The following ANPEP variants were observed in gnomAD, a reference collection of about 807,000 sequenced individuals.
ANPEP encodes the protein aminopeptidase N.
Under a neutral mutation model 114.6 loss-of-function variants are expected in ANPEP, and 70 were observed. That is an observed-to-expected ratio of 0.61 (90% confidence interval 0.50 to 0.75). The LOEUF (loss-of-function observed/expected upper bound fraction) is 0.75. Ranked by LOEUF, ANPEP falls within the 30% of genes least tolerant of loss-of-function variation. ANPEP has a pLI of 0.00. For missense variants in ANPEP, 1,184 were observed against 1,259.5 expected (o/e 0.94, Z 0.91); for synonymous variants, 548 against 522.3 (o/e 1.05, Z -0.67).
In ANPEP at chr15:89,806,941, G is replaced by C. The variant is rs972988527; in HGVS notation, c.-223-135C>G. ...CAGGTGGCATTGCATTGATCTGCTTGAGAGCTGAGAGGGTGGGAACAGCAT... is the reference window on the plus strand; with the variant it reads ...CAGGTGGCATTGCATTGATCTGCTTCAGAGCTGAGAGGGTGGGAACAGCAT... On this transcript the variant is annotated intron_variant, in intron 1 of 20. Coordinates refer to ENST00000300060, the MANE Select transcript of ANPEP (RefSeq NM_001150.3). This position sits in a 1 kb window ranked among gnomAD's most constrained non-coding sequence, Gnocchi z 5.7. The C allele has an allele frequency of 4.0e-6, 1 of 247,866 alleles. No homozygotes were observed. The highest frequency in any genetic ancestry group is 7.9e-6 in the Non-Finnish European group (1 of 125,876). The allele number at this position is 247,866 out of a possible 1,614,324, so 15.4% of individuals were successfully genotyped here. A position where few individuals can be genotyped will look rare whatever the true frequency, so the allele number is the denominator to read the frequency against.
chr15:89,789,324 G>C (rs535714278), intron 20 of ANPEP, among the ~76,000 whole-genome samples: 1 of 152,200 alleles, frequency 6.6e-6, no homozygotes, highest in East Asian at 1.9e-4. Flanking sequence ...CTTAATCCAA[G>C]TTGACTTTGT....
intron 4 of ANPEP, 86 bp from the exon 5 acceptor site, chr15:89,804,703 G>A (rs1439981142): frequency 6.5e-7 from 1 of 1,541,616 alleles, no homozygotes; most frequent in Non-Finnish European, 8.7e-7. Flanking sequence ...AGTGGGCTGG[G>A]GGGATCCCTG....
At chr15:89,809,110 A>T (rs1307680233) in intron 1 of ANPEP, among the ~76,000 whole-genome samples, 18 of 152,230 alleles carry the variant, frequency 1.2e-4, no homozygotes, top group Admixed American at 1.0e-3. Flanking sequence ...GAAGGGCTCC[A>T]GCTTGGGCGT....
chr15:89,789,364 T>C (rs1047136026), intron 20 of ANPEP, among the ~76,000 whole-genome samples: 4 of 152,174 alleles, frequency 2.6e-5, no homozygotes, highest in East Asian at 1.9e-4. Flanking sequence ...TATATATCAA[T>C]TGTAAAAAGA....
Position 89,806,549 on chromosome 15 carries a change from C to T in ANPEP, c.35G>A (p.Gly12Asp), listed in dbSNP as rs372925298. The T allele has an allele frequency of 1.6e-5, 26 of 1,610,810 alleles. No individual in the cohort carries two copies. The highest frequency in any genetic ancestry group is 2.0e-5 in the Non-Finnish European group (24 of 1,177,650). ...CACGCCCAGGAGGATCCCCAGGATG[C>T]CCAGGGACTTGGAAATATAGAAGCC... ...AKGFYISKSL[G>D]ILGILLGVAA... The change falls in exon 2 of 21, where the codon GGC becomes GAC. Residue 12 changes from glycine to aspartate, a missense_variant. Physicochemically the swap from Gly to Asp is moderately conservative, Grantham distance 94. Transcript: ENST00000300060. This position sits in a 1 kb window ranked among gnomAD's most constrained non-coding sequence, Gnocchi z 5.7.
At position 89,805,361 on chromosome 15, in the gene ANPEP, G is replaced by C. The variant is rs754340111; in HGVS notation, c.717C>G (p.His239Gln). The change falls in exon 3 of 21, where the codon CAC (histidine) becomes CAG (glutamine). Residue 239 changes from histidine (H) to glutamine (Q), a missense_variant. His to Gln is a conservative substitution (Grantham distance 24). Transcript: ENST00000300060. Reference protein sequence around the residue: ...MKAEFNITLIHPKDLTALSNM... With the variant: ...MKAEFNITLIQPKDLTALSNM... ...TGGACAGGGCTGTCAGGTCCTTGGGGTGGATAAGCGTGATGTTGAACTCGG... is the reference window on the plus strand; with the variant it reads ...TGGACAGGGCTGTCAGGTCCTTGGGCTGGATAAGCGTGATGTTGAACTCGG... 2 of 1,614,156 alleles carry C rather than the reference G, an allele frequency of 1.2e-6. No homozygotes were observed. The highest frequency in any genetic ancestry group is 1.7e-6 in the Non-Finnish European group (2 of 1,180,010).
intron 18 of ANPEP, among the ~76,000 whole-genome samples, 163 bp downstream of exon 18, chr15:89,791,987 GTCTCTATCAC>G (rs1968636157): frequency 6.6e-6 from 1 of 152,212 alleles, no homozygotes. Context: ...TCCATATCTT[GTCTCTATCAC>G]TTATTAAAGC....
In ANPEP at chr15:89,803,362, G is replaced by A. The variant is rs1045137386; in HGVS notation, c.1504-58C>T. The A allele has an allele frequency of 1.6e-5, 26 of 1,613,382 alleles. No homozygotes were observed. Among genetic ancestry groups the A allele is most frequent in the Non-Finnish European group, 1.5e-5 (18 of 1,179,436 alleles). On this transcript the variant is annotated intron_variant, in intron 9 of 20. Transcript: ENST00000300060. The surrounding 1 kb of genome is among the most constrained non-coding windows in gnomAD (Gnocchi z 4.2). ...CTGGAGCCCCCCAGGCTCCCCCTCT[G>A]TGGTGGGCAGAGGCCCGGGTCAAGG... is the stretch of plus-strand genomic sequence containing the variant.
chr15:89,792,291 G>A lies in ANPEP; in HGVS notation c.2397C>T (p.Asn799=), dbSNP rs375135070. 1.1e-5 allele frequency: 17 copies of A among 1,614,244 alleles called. No homozygotes were observed. The East Asian group carries it at 2.9e-4, about 28-fold the overall frequency. Residue 799 remains asparagine (N), a synonymous_variant, in exon 18 of 21, where the codon AAC becomes AAT. Coordinates refer to ENST00000300060, the MANE Select transcript of ANPEP (RefSeq NM_001150.3). The part of the protein sequence containing the change: ...HPNLRSTVYC[N]AIAQGGEEEW... The stretch of plus-strand genomic sequence containing the variant: ...CCTCCTCCCCGCCCTGGGCGATAGC[G>A]TTGCAGTAGACGGTGGACCGCAGGT...
In ANPEP at chr15:89,801,560, G is replaced by A. The variant is rs1220077988; in HGVS notation, c.1617C>T (p.Ile539=). ...SIQLPTTVRD[I]MNRWTLQMGF... ...CCATCTGCAGGGTCCAGCGGTTCAT[G>A]ATGTCCCGCACGGTGGTGGGGAGTT... The change falls in exon 11 of 21, where the codon ATC becomes ATT. Residue 539 remains isoleucine, a synonymous_variant. Coordinates refer to ENST00000300060, the MANE Select transcript of ANPEP (RefSeq NM_001150.3). 1.2e-6 allele frequency: 2 copies of A among 1,614,012 alleles called. No homozygotes were observed. The highest frequency in any genetic ancestry group is 2.7e-5 in the African/African-American group (2 of 74,924).
chr15:89,800,259 C>T (rs538097610), intron 12 of ANPEP, among the ~76,000 whole-genome samples: 13 of 152,326 alleles, frequency 8.5e-5, no homozygotes, highest in African/African-American at 2.4e-4. Context: ...CTGATTCCTA[C>T]TCTTCCTCTA....
In ANPEP at chr15:89,799,304, G is replaced by T; in HGVS notation, c.1965C>A (p.Val655=). The change falls in exon 14 of 21, where the codon GTC becomes GTA. Residue 655 remains valine, a synonymous_variant. Transcript: ENST00000300060. This position sits in a 1 kb window ranked among gnomAD's most constrained non-coding sequence, Gnocchi z 4.2. ...QLQRDHSAIP[V]INRAQIINDA... ...CATTAATGATCTGTGCCCGATTGAT[G>T]ACAGGGATGGCCTAGAATGCGAAGC... 1 of 1,614,192 alleles carries T rather than the reference G, an allele frequency of 6.2e-7. No homozygotes were observed. The highest frequency in any genetic ancestry group is 1.1e-5 in the South Asian group (1 of 91,074).
Position 89,792,451 on chromosome 15 carries a change from CG to C in ANPEP, c.2360del (p.Pro787ArgfsTer55). On this transcript the variant is annotated frameshift_variant and splice_region_variant, in exon 17 of 21. Transcript: ENST00000300060. LOFTEE classifies it high-confidence loss of function. ...AGAGGAGGCGCAGGGGAGACACTCA[CG>C]GGTTATTATTGGGGTTCTCCATCCA... ...KQWMENPNNNPIHPNLRSTVY... is the reference protein window; with the variant it reads ...KQWMENPNNNXIHPNLRSTVY... 1 of 1,613,986 alleles carries C rather than the reference CG, an allele frequency of 6.2e-7. No individual in the cohort carries two copies. The highest frequency in any genetic ancestry group is 8.5e-7 in the Non-Finnish European group (1 of 1,179,900).
At position 89,790,904 on chromosome 15, in the gene ANPEP, G is replaced by T. The variant is rs374844432; in HGVS notation, c.2669+49C>A. The T allele has an allele frequency of 2.5e-6, 4 of 1,600,382 alleles. No individual in the cohort carries two copies. The Admixed American group carries it at 6.8e-5, about 27-fold the overall frequency. On this transcript the variant is annotated intron_variant, in intron 19 of 20. Transcript: ENST00000300060. ...TTACCCGCACAGGCCACCCCCCGGG[G>T]CCCCAGCCTCGGCGCTCGCTGTCCC...
chr15:89,800,962 C>A, intron 12 of ANPEP, 149 bp downstream of exon 12: 1 of 673,504 alleles, frequency 1.5e-6, no homozygotes, highest in Non-Finnish European at 2.6e-6. Flanking sequence ...CCCAGAGTCA[C>A]ACAGCGAAGC....
intron 4 of ANPEP, 107 bp from the exon 5 acceptor site, chr15:89,804,724 G>GCTGGAGGCCAATCAAGCTAAAC: frequency 6.8e-7 from 1 of 1,461,608 alleles, no homozygotes; most frequent in Admixed American, 2.1e-5. Context: ...ATGGGCCAGG[G>GCTGGAGGCCAATCAAGCTAAAC]CTGGAGGCCA....
chr15:89,811,789 T>C (rs1469578096), intron 1 of ANPEP, among the ~76,000 whole-genome samples: 3 of 152,120 alleles, frequency 2.0e-5, no homozygotes, highest in African/African-American at 7.2e-5. Flanking sequence ...CGGGTTGTCT[T>C]TGGTGCAGGC....
intron 20 of ANPEP, among the ~76,000 whole-genome samples, chr15:89,789,064 C>G (rs565285200): frequency 1.3e-5 from 2 of 152,058 alleles, no homozygotes; most frequent in African/African-American, 4.8e-5. Context: ...ACTGCAACCT[C>G]CGCCTCCTGG....
rs570934266 is a variant in ANPEP, at chr15:89,801,708, T to C, written c.1570-101A>G. 3.0e-4 allele frequency: 415 copies of C among 1,385,872 alleles called. 1 individual carries two copies. The highest frequency in any genetic ancestry group is 7.7e-4 in the Middle Eastern group (3 of 3,876). The allele number at this position is 1,385,872 out of a possible 1,614,324, so 85.8% of individuals were successfully genotyped here. On this transcript the variant is annotated intron_variant, in intron 10 of 20. Transcript: ENST00000300060. ...TCTCGCCTCGACCCCGGGGGGCCAC[T>C]TGTATGGGAGGCCTGGGAAGGGCAC...
Sources: gnomAD v4.1 joint callset for allele counts (sites outside exome capture counted in the v4.1 genomes callset) on GRCh38, gnomAD v4.1.1 for gene constraint, Gnocchi (gnomAD v3.1) non-coding constraint, MANE v1.5 for transcripts, NCBI Gene and HGNC (gene_info 2026-07-23, HGNC 2026-07-21) for gene names.